TRPM1: variants seen among roughly 807,000 people sequenced by gnomAD.
TRPM1 encodes transient receptor potential cation channel subfamily M member 1.
Under a neutral mutation model 149.4 loss-of-function variants are expected in TRPM1, and 113 were observed. The observed-to-expected ratio is 0.76, with a 90% CI of 0.65 to 0.88. The LOEUF is 0.88. Among genes scored for constraint, TRPM1 ranks in the 40% least tolerant of loss-of-function variants. The pLI, the probability that TRPM1 is intolerant of heterozygous loss-of-function variation, is 0.00. For synonymous variants in TRPM1, 741 were observed against 759.5 expected, an observed-to-expected ratio of 0.98 and a Z score of 0.40; for missense variants, 1,976 against 2,038.7, an observed-to-expected ratio of 0.97 and a Z score of 0.59.
intron 1 of TRPM1, among the ~76,000 whole-genome samples, chr15:31,118,899 G>T (rs1450607322): frequency 7.0e-6 from 1 of 142,006 alleles, no homozygotes; most frequent in Non-Finnish European, 1.6e-5. Context: ...ACATGAATTT[G>T]ATGGGGAAGG....
At chr15:31,032,006 GTT>G (rs57762904) in intron 22 of TRPM1, among the ~76,000 whole-genome samples, 9,410 of 122,678 alleles carry the variant, frequency 0.077, 435 homozygotes, top group African/African-American at 0.17. Context: ...ATCAGGCGGG[GTT>G]TTTTTTTTTT....
chr15:31,019,180 A>G (rs894188451), intron 27 of TRPM1, among the ~76,000 whole-genome samples: 1 of 152,162 alleles, frequency 6.6e-6, no homozygotes, highest in Admixed American at 6.5e-5. Flanking sequence ...CTACCCTATA[A>G]TTTAATTCCA....
At chr15:31,129,416 A>G (rs1198714478) in intron 1 of TRPM1, among the ~76,000 whole-genome samples, 1 of 152,170 alleles carries the variant, frequency 6.6e-6, no homozygotes, top group Non-Finnish European at 1.5e-5. Flanking sequence ...CCGTTGACAG[A>G]ACCTCACCGC....
chr15:31,136,012 T>C (rs1202186070), intron 1 of TRPM1, among the ~76,000 whole-genome samples: 4 of 152,210 alleles, frequency 2.6e-5, no homozygotes, highest in African/African-American at 4.8e-5. Context: ...GTGATGAGAA[T>C]TGTGTAATTT....
chr15:31,031,536 C>A (rs532630170), intron 22 of TRPM1, among the ~76,000 whole-genome samples: 1 of 152,156 alleles, frequency 6.6e-6, no homozygotes, highest in Non-Finnish European at 1.5e-5. Context: ...GGAAATAAAA[C>A]GATAATGAAT....
chr15:31,057,434 G>A lies in TRPM1; in HGVS notation c.1263+3110C>T, dbSNP rs148188532. ...GAGGGTCAGGAAAAACAACTAGCAGGTACTAGGCTTAATAACTGGGTGGTG... is the reference window on the plus strand; with the variant it reads ...GAGGGTCAGGAAAAACAACTAGCAGATACTAGGCTTAATAACTGGGTGGTG... On this transcript the variant is annotated intron_variant, in intron 11 of 27. Coordinates refer to ENST00000256552, the MANE Select transcript of TRPM1 (RefSeq NM_001252024.2). Among the ~76,000 whole-genome samples, 885 of 152,166 alleles carry A rather than the reference G, an allele frequency of 5.8e-3. 9 individuals are homozygous for A. Among genetic ancestry groups the A allele is most frequent in the African/African-American group, 0.02 (850 of 41,510 alleles).
intron 1 of TRPM1, among the ~76,000 whole-genome samples, chr15:31,120,869 G>T (rs1385526466): frequency 2.6e-5 from 4 of 152,202 alleles, no homozygotes; most frequent in African/African-American, 9.7e-5. Flanking sequence ...TTACCAAAAT[G>T]TGTGGGAATG....
chr15:31,128,015 G>A (rs762069744), intron 1 of TRPM1, among the ~76,000 whole-genome samples: 22 of 152,148 alleles, frequency 1.4e-4, no homozygotes, highest in Non-Finnish European at 3.2e-4. Flanking sequence ...CTGGTCCAAG[G>A]CAGAGCCAGG....
chr15:31,111,386 C>T (rs1398866184), intron 1 of TRPM1, among the ~76,000 whole-genome samples: 1 of 152,192 alleles, frequency 6.6e-6, no homozygotes, highest in Non-Finnish European at 1.5e-5. Flanking sequence ...CCATGGCTAA[C>T]ACTTCTGAAG....
chr15:31,140,749 A>G (rs1448351275), intron 1 of TRPM1, among the ~76,000 whole-genome samples: 1 of 152,212 alleles, frequency 6.6e-6, no homozygotes, highest in Non-Finnish European at 1.5e-5. Flanking sequence ...TCTTTTCTTT[A>G]TAAATTACTC....
intron 27 of TRPM1, among the ~76,000 whole-genome samples, chr15:31,004,622 C>G (rs1262621991): frequency 6.6e-6 from 1 of 152,082 alleles, no homozygotes; most frequent in Non-Finnish European, 1.5e-5. Flanking sequence ...TGGACGTTTG[C>G]CACCAGGGAG....
intron 1 of TRPM1, among the ~76,000 whole-genome samples, chr15:31,126,251 T>C (rs1467598922): frequency 1.3e-5 from 2 of 152,136 alleles, no homozygotes; most frequent in East Asian, 1.9e-4. Flanking sequence ...CAGTAATTGA[T>C]AATAAAACAG....
At chr15:31,134,019 G>A (rs994192594) in intron 1 of TRPM1, among the ~76,000 whole-genome samples, 2 of 152,190 alleles carry the variant, frequency 1.3e-5, no homozygotes, top group Admixed American at 6.5e-5. Flanking sequence ...GGCCCTCTGG[G>A]AAGAGGATGC....
intron 25 of TRPM1, among the ~76,000 whole-genome samples, chr15:31,027,533 G>C (rs866143906): frequency 3.9e-5 from 6 of 152,066 alleles, no homozygotes; most frequent in South Asian, 4.1e-4. Flanking sequence ...TTTGATTGAA[G>C]GTTCGTTATT....
At chr15:31,129,116 T>C (rs1308901735) in intron 1 of TRPM1, among the ~76,000 whole-genome samples, 1 of 152,164 alleles carries the variant, frequency 6.6e-6, no homozygotes, top group Non-Finnish European at 1.5e-5. Context: ...CCTTTGGAGC[T>C]TCGTGTAGCG....
intron 27 of TRPM1, among the ~76,000 whole-genome samples, chr15:31,018,719 G>A (rs983327647): frequency 6.6e-6 from 1 of 152,238 alleles, no homozygotes; most frequent in African/African-American, 2.4e-5. Flanking sequence ...AGGCTGGAGT[G>A]CAGGGGTGCA....
chr15:31,080,381 T>C (rs1466805874), intron 2 of TRPM1, among the ~76,000 whole-genome samples: 5 of 152,022 alleles, frequency 3.3e-5, no homozygotes, highest in Admixed American at 2.6e-4. Context: ...ATGGAACAAA[T>C]ATTTATTATG....
chr15:31,139,208 G>A (rs1231536623), intron 1 of TRPM1, among the ~76,000 whole-genome samples: 1 of 152,166 alleles, frequency 6.6e-6, no homozygotes, highest in Non-Finnish European at 1.5e-5. Context: ...ATATCAGAAG[G>A]CACAGTACTC....
chr15:31,046,274 G>C, intron 15 of TRPM1, 41 bp from the exon 16 acceptor site: 1 of 1,594,568 alleles, frequency 6.3e-7, no homozygotes, highest in Non-Finnish European at 8.6e-7. Flanking sequence ...AATTTACTTA[G>C]ATAACTAATG....
Sources: gnomAD v4.1 joint callset for allele counts (sites outside exome capture counted in the v4.1 genomes callset) on GRCh38, gnomAD v4.1.1 for gene constraint, MANE v1.5 for transcripts, NCBI Gene and HGNC (gene_info 2026-07-23, HGNC 2026-07-21) for gene names.